The following ESRRG variants were observed in gnomAD, a reference collection of about 807,000 sequenced individuals.
ESRRG encodes the protein estrogen related receptor gamma.
ESRRG carries 13 observed loss-of-function variants against 44.0 expected under a neutral mutation model. That is an observed-to-expected ratio of 0.30 (90% confidence interval 0.19 to 0.47). The LOEUF (loss-of-function observed/expected upper bound fraction) is 0.47. Among genes scored for constraint, ESRRG ranks in the 20% least tolerant of loss-of-function variants. The probability of loss-of-function intolerance (pLI) is 1.00; values close to 1 mark genes in which losing one functional copy is unlikely to be tolerated. For synonymous variants in ESRRG, 215 were observed against 214.6 expected, an observed-to-expected ratio of 1.00 and a Z score of -0.02; for missense variants, 395 against 580.6, an observed-to-expected ratio of 0.68 and a Z score of 3.29.
At chr1:216,692,740 A>G (rs1414945786) in intron 1 of ESRRG, among the ~76,000 whole-genome samples, 1 of 152,146 alleles carries the variant, frequency 6.6e-6, no homozygotes, top group Non-Finnish European at 1.5e-5. Flanking sequence ...CTAAAAGTGT[A>G]CCATTTTTTA....
chr1:217,087,293 T>C lies in ESRRG; in HGVS notation c.-106+2214A>G, dbSNP rs575847531. On this transcript the variant is annotated intron_variant, in intron 1 of 7. Transcript: ENST00000359162. ...TGTCTGCCGGGTTAGTTATACCTTA[T>C]CTTGCTGCACTGCCATTCTCATGCT... Among the ~76,000 whole-genome samples the C allele has an allele frequency of 1.1e-4, 16 of 152,328 alleles. No homozygotes were observed. In the South Asian group the frequency reaches 2.5e-3, roughly 24 times the overall value.
At chr1:217,014,186 A>G (rs556069802) in intron 1 of ESRRG, among the ~76,000 whole-genome samples, 29 of 152,200 alleles carry the variant, frequency 1.9e-4, no homozygotes, top group African/African-American at 6.3e-4. Context: ...TGGAACCTGC[A>G]TAAGACTTTT....
intron 5 of ESRRG, among the ~76,000 whole-genome samples, chr1:216,559,680 G>T (rs1236138046): frequency 3.3e-5 from 5 of 152,250 alleles, no homozygotes; most frequent in Admixed American, 1.3e-4. Context: ...GCTTTTGCAC[G>T]TATCCTAATC....
intron 1 of ESRRG, among the ~76,000 whole-genome samples, chr1:217,110,030 T>C (rs2151583229): frequency 6.6e-6 from 1 of 152,290 alleles, no homozygotes; most frequent in African/African-American, 2.4e-5. Flanking sequence ...GATTTGTTAC[T>C]AAGGAGAATG....
chr1:217,079,131 A>T (rs1177838661), intron 1 of ESRRG, among the ~76,000 whole-genome samples: 1 of 152,210 alleles, frequency 6.6e-6, no homozygotes, highest in Non-Finnish European at 1.5e-5. Context: ...ACAGAGTAAG[A>T]GACAGAGAAA....
At chr1:216,730,368 A>C (rs2088525996) in intron 2 of ESRRG, among the ~76,000 whole-genome samples, 1 of 152,126 alleles carries the variant, frequency 6.6e-6, no homozygotes, top group Non-Finnish European at 1.5e-5. Flanking sequence ...ATAGTTAAAA[A>C]GAATTGGGAA....
intron 5 of ESRRG, among the ~76,000 whole-genome samples, chr1:216,524,903 A>G (rs2047171642): frequency 6.6e-6 from 1 of 152,186 alleles, no homozygotes; most frequent in South Asian, 2.1e-4. Flanking sequence ...CAAAGGTAAT[A>G]TCTACCAGTC....
intron 2 of ESRRG, among the ~76,000 whole-genome samples, chr1:216,781,033 C>T (rs1388965498): frequency 2.6e-5 from 4 of 151,908 alleles, no homozygotes; most frequent in Admixed American, 1.3e-4. Flanking sequence ...ATATGGTTAA[C>T]TAAGTGCTTA....
intron 2 of ESRRG, among the ~76,000 whole-genome samples, chr1:216,850,813 A>T (rs2095831289): frequency 6.6e-6 from 1 of 152,040 alleles, no homozygotes; most frequent in Non-Finnish European, 1.5e-5. Context: ...GAATCTATTG[A>T]TGAATCATTT....
chr1:216,546,400 C>T (rs1190633116), intron 5 of ESRRG, among the ~76,000 whole-genome samples: 1 of 152,104 alleles, frequency 6.6e-6, no homozygotes, highest in African/African-American at 2.4e-5. Context: ...AGGGCCTCCT[C>T]TATTTCCTAA....
At chr1:216,764,570 A>AGG (rs34824638) in intron 2 of ESRRG, among the ~76,000 whole-genome samples, 2 of 144,580 alleles carry the variant, frequency 1.4e-5, no homozygotes, top group Non-Finnish European at 3.1e-5. Flanking sequence ...TGCCCGGCCC[A>AGG]GGGGGGGACT....
At chr1:216,588,337 T>C (rs1326599306) in intron 3 of ESRRG, among the ~76,000 whole-genome samples, 1 of 152,176 alleles carries the variant, frequency 6.6e-6, no homozygotes. Flanking sequence ...TTTGCAAAGA[T>C]CTGAGGGTTA....
chr1:216,768,307 T>C (rs1487130777), intron 2 of ESRRG, among the ~76,000 whole-genome samples: 1 of 152,154 alleles, frequency 6.6e-6, no homozygotes, highest in African/African-American at 2.4e-5. Flanking sequence ...GAACAAATGA[T>C]GCTGTAATAT....
At chr1:216,854,678 A>AGTCTT (rs1451988420) in intron 2 of ESRRG, among the ~76,000 whole-genome samples, 1 of 152,188 alleles carries the variant, frequency 6.6e-6, no homozygotes, top group Non-Finnish European at 1.5e-5. Flanking sequence ...GCTATACAAT[A>AGTCTT]GTCTTGGCTG....
intron 1 of ESRRG, among the ~76,000 whole-genome samples, chr1:217,062,320 A>T (rs2088700575): frequency 6.6e-6 from 1 of 152,162 alleles, no homozygotes; most frequent in African/African-American, 2.4e-5. Flanking sequence ...GAGACTTTAT[A>T]AGAGTGAGAA....
At chr1:216,722,788 T>A (rs572541848) in intron 1 of ESRRG, among the ~76,000 whole-genome samples, 24 of 152,328 alleles carry the variant, frequency 1.6e-4, no homozygotes, top group Middle Eastern at 3.4e-3. Context: ...CCTCTAACTC[T>A]GCGCGGTAAG....
chr1:216,910,671 G>C (rs80330406), intron 2 of ESRRG, among the ~76,000 whole-genome samples: 1 of 152,172 alleles, frequency 6.6e-6, no homozygotes, highest in Non-Finnish European at 1.5e-5. Context: ...AAATGGGGCC[G>C]ACAATGCTTT....
At chr1:217,032,568 C>T (rs936805173) in intron 1 of ESRRG, among the ~76,000 whole-genome samples, 1 of 152,114 alleles carries the variant, frequency 6.6e-6, no homozygotes, top group Admixed American at 6.5e-5. Flanking sequence ...CATGATCCAG[C>T]TTCTAAAGAA....
At chr1:216,547,106 C>T (rs933019826) in intron 5 of ESRRG, among the ~76,000 whole-genome samples, 4 of 152,044 alleles carry the variant, frequency 2.6e-5, no homozygotes, top group African/African-American at 9.6e-5. Context: ...TGTTTGACTT[C>T]GTTAAACTTC....
Sources: allele counts gnomAD v4.1 joint callset (sites outside exome capture counted in the v4.1 genomes callset), GRCh38; gene constraint gnomAD v4.1.1; transcripts MANE v1.5; gene names NCBI Gene and HGNC (gene_info 2026-07-23, HGNC 2026-07-21).